The following ANKIB1 variants were observed in gnomAD, a reference collection of about 807,000 sequenced individuals.
The protein encoded by ANKIB1 is ankyrin repeat and IBR domain containing 1.
ANKIB1 carries 43 observed loss-of-function variants against 122.1 expected under a neutral mutation model. The observed-to-expected ratio is 0.35, with a 90% CI of 0.28 to 0.45. The LOEUF is 0.45. ANKIB1 is among the 20% of genes least tolerant of loss of function. The pLI is 1.00. For synonymous variants in ANKIB1, 390 were observed against 442.0 expected, an observed-to-expected ratio of 0.88 and a Z score of 1.48; for missense variants, 992 against 1,329.5, an observed-to-expected ratio of 0.75 and a Z score of 3.95.
chr7:92,360,551 G>A (rs1160886106), intron 9 of ANKIB1, among the ~76,000 whole-genome samples: 4 of 152,152 alleles, frequency 2.6e-5, no homozygotes, highest in African/African-American at 9.7e-5. Flanking sequence ...TACTGTGAAT[G>A]TTGGTGTACA....
At chr7:92,310,149 T>TG (rs897693252) in intron 3 of ANKIB1, among the ~76,000 whole-genome samples, 1 of 151,802 alleles carries the variant, frequency 6.6e-6, no homozygotes, top group East Asian at 1.9e-4. Context: ...CTGTACTATC[T>TG]GGCAGGCCTG....
rs369834494 is a variant in ANKIB1, at chr7:92,351,006, A to G, written c.1142A>G (p.Tyr381Cys). 2 of 1,606,470 alleles carry G rather than the reference A, an allele frequency of 1.2e-6. No individual in the cohort carries two copies. The highest frequency in any genetic ancestry group is 2.2e-5 in the East Asian group (1 of 44,750). The change falls in exon 8 of 20, where the codon TAT becomes TGT. Residue 381 changes from tyrosine (Y) to cysteine (C), a missense_variant. Transcript: ENST00000265742. ...GEAHNIFCPA[Y>C]DCFQLVPVDI... The stretch of plus-strand genomic sequence containing the variant: ...GCTCACAACATTTTTTGCCCTGCAT[A>G]TGATTGCTTCCAACTTGTACCTGTG...
At chr7:92,282,436 G>A (rs1177163837) in intron 1 of ANKIB1, among the ~76,000 whole-genome samples, 6 of 152,098 alleles carry the variant, frequency 3.9e-5, no homozygotes, top group Non-Finnish European at 5.9e-5. Flanking sequence ...GAGCCACCAC[G>A]CCTGGCCAGC....
intron 11 of ANKIB1, 29 bp downstream of exon 11, chr7:92,371,636 T>C (rs756865716): frequency 6.3e-7 from 1 of 1,577,688 alleles, no homozygotes; most frequent in Non-Finnish European, 8.6e-7. Context: ...TTTTGCATGC[T>C]TTGCATTTGG....
rs75185170 is a variant in ANKIB1 at position 92,290,218 on chromosome 7, C to G, written c.-90-4671C>G. ...TAGAAACTCATCTGTTTGATTTCAA[C>G]CTGGAGTGGGATGGGGTTGTGTTGG... is the stretch of plus-strand genomic sequence containing the variant. On this transcript the variant is annotated intron_variant, in intron 1 of 19. Coordinates refer to ENST00000265742, the MANE Select transcript of ANKIB1 (RefSeq NM_019004.2). Among the ~76,000 whole-genome samples, 172 of 152,310 alleles carry G rather than the reference C, an allele frequency of 1.1e-3. 4 individuals are homozygous for G. In the East Asian group the frequency reaches 0.029, roughly 26 times the overall value.
chr7:92,390,473 G>C (rs1406036194), intron 15 of ANKIB1, among the ~76,000 whole-genome samples: 1 of 152,126 alleles, frequency 6.6e-6, no homozygotes, highest in Non-Finnish European at 1.5e-5. Flanking sequence ...TATAAGATGA[G>C]AAAGTTGCTG....
intron 1 of ANKIB1, among the ~76,000 whole-genome samples, chr7:92,251,190 A>C (rs1801323283): frequency 6.6e-6 from 1 of 152,204 alleles, no homozygotes; most frequent in Non-Finnish European, 1.5e-5. Flanking sequence ...TAAATTATAA[A>C]TGGGCTAGGT....
chr7:92,328,519 G>A (rs1459840413), intron 5 of ANKIB1, among the ~76,000 whole-genome samples: 2 of 151,918 alleles, frequency 1.3e-5, no homozygotes. Context: ...CTTATGACAG[G>A]CATTCTGGGA....
intron 3 of ANKIB1, among the ~76,000 whole-genome samples, chr7:92,316,707 C>G (rs906958435): frequency 3.3e-5 from 5 of 152,112 alleles, no homozygotes; most frequent in Non-Finnish European, 7.4e-5. Flanking sequence ...TCAACGATGA[C>G]TTCTCACACA....
intron 1 of ANKIB1, among the ~76,000 whole-genome samples, chr7:92,276,524 C>A (rs1371113218): frequency 3.3e-5 from 5 of 152,218 alleles, no homozygotes; most frequent in Non-Finnish European, 7.3e-5. Context: ...CCATCTCAAG[C>A]CTGATATGTT....
chr7:92,395,538 C>CTTTTT (rs35028119), intron 17 of ANKIB1, among the ~76,000 whole-genome samples: 11 of 108,280 alleles, frequency 1.0e-4, no homozygotes, highest in East Asian at 6.1e-4. Flanking sequence ...ATCCCAGTCA[C>CTTTTT]TTTTTTTTTT....
chr7:92,398,614 G>A lies in ANKIB1; in HGVS notation c.2935G>A (p.Asp979Asn). 1 of 1,613,926 alleles carries A rather than the reference G, an allele frequency of 6.2e-7. No individual in the cohort carries two copies. Among genetic ancestry groups the A allele is most frequent in the African/African-American group, 1.3e-5 (1 of 75,020 alleles). Residue 979 changes from aspartate (D) to asparagine (N), a missense_variant, in exon 20 of 20, where the codon GAC (aspartate) becomes AAC (asparagine). Coordinates refer to ENST00000265742, the MANE Select transcript of ANKIB1 (RefSeq NM_019004.2). ...LLGNIMAWFHDMNPQSIALIP... is the reference protein window; with the variant it reads ...LLGNIMAWFHNMNPQSIALIP... The stretch of plus-strand genomic sequence containing the variant: ...CGGCAACATCATGGCTTGGTTTCAT[G>A]ACATGAACCCTCAGAGTATTGCCCT...
intron 1 of ANKIB1, among the ~76,000 whole-genome samples, chr7:92,292,991 T>G (rs769545007): frequency 1.3e-5 from 2 of 152,178 alleles, no homozygotes; most frequent in Non-Finnish European, 2.9e-5. Context: ...TAATAACGCT[T>G]AAAAAACCCA....
At chr7:92,387,915 C>T in intron 13 of ANKIB1, 31 bp downstream of exon 13, 2 of 1,607,512 alleles carry the variant, frequency 1.2e-6, no homozygotes, top group South Asian at 1.1e-5. Context: ...AATGAGCTGA[C>T]CTATACTGTT....
chr7:92,367,745 G>C lies in ANKIB1; in HGVS notation c.1487-3732G>C, dbSNP rs570148734. Among the ~76,000 whole-genome samples the C allele has an allele frequency of 1.4e-4, 21 of 152,320 alleles. No individual in the cohort carries two copies. In the South Asian group the frequency reaches 3.9e-3, roughly 29 times the overall value. On this transcript the variant is annotated intron_variant, in intron 10 of 19. Transcript: ENST00000265742. ...ATAGCCTCTGTTGTGTCTAATTAGAGCAAGAAGCAGGAATGGTTATATTTT... is the reference window on the plus strand; with the variant it reads ...ATAGCCTCTGTTGTGTCTAATTAGACCAAGAAGCAGGAATGGTTATATTTT...
At chr7:92,328,659 A>G (rs1803080920) in intron 5 of ANKIB1, among the ~76,000 whole-genome samples, 1 of 152,052 alleles carries the variant, frequency 6.6e-6, no homozygotes, top group Non-Finnish European at 1.5e-5. Context: ...GGATTTAAAA[A>G]ATAAAAACTA....
At chr7:92,350,862 AAAAAAGGAAAG>A in intron 7 of ANKIB1, 77 bp from the exon 8 acceptor site, 2 of 1,352,054 alleles carry the variant, frequency 1.5e-6, no homozygotes, top group Non-Finnish European at 9.9e-7. Flanking sequence ...GTCTCTAAAA[AAAAAAGGAAAG>A]AAAAAGGAAA....
chr7:92,285,749 A>C (rs1802109874), intron 1 of ANKIB1, among the ~76,000 whole-genome samples: 1 of 152,248 alleles, frequency 6.6e-6, no homozygotes, highest in South Asian at 2.1e-4. Flanking sequence ...TTTCAGAAAT[A>C]GGAAATATCA....
At chr7:92,270,733 T>G (rs1585080838) in intron 1 of ANKIB1, among the ~76,000 whole-genome samples, 2 of 142,954 alleles carry the variant, frequency 1.4e-5, no homozygotes, top group South Asian at 2.2e-4. Context: ...CTATAGTTTT[T>G]TTTTTTTTTT....
Sources: gnomAD v4.1 joint callset for allele counts (sites outside exome capture counted in the v4.1 genomes callset) on GRCh38, gnomAD v4.1.1 for gene constraint, MANE v1.5 for transcripts, NCBI Gene and HGNC (gene_info 2026-07-23, HGNC 2026-07-21) for gene names.